GALNT17: variants seen among roughly 807,000 people sequenced by gnomAD.
GALNT17 encodes UDP-GalNAc:polypeptide N-acetylgalactosaminyltransferase-like 3.
GALNT17 carries 29 observed loss-of-function variants against 63.7 expected under a neutral mutation model. The ratio of observed to expected loss-of-function variants is 0.46; its 90% CI spans 0.34 to 0.62. The LOEUF (loss-of-function observed/expected upper bound fraction) is 0.62, where lower values mean the gene tolerates loss of function less well. GALNT17 is among the 20% of genes least tolerant of loss of function. The pLI is 0.01. For missense variants in GALNT17, 603 were observed against 799.6 expected, an observed-to-expected ratio of 0.75 and a Z score of 2.97; for synonymous variants, 305 against 318.3, an observed-to-expected ratio of 0.96 and a Z score of 0.45.
intron 6 of GALNT17, among the ~76,000 whole-genome samples, chr7:71,576,112 G>A (rs1259080281): frequency 6.6e-6 from 1 of 152,158 alleles, no homozygotes; most frequent in East Asian, 1.9e-4. Flanking sequence ...TAATATATCA[G>A]TCCATTTACG....
intron 8 of GALNT17, among the ~76,000 whole-genome samples, chr7:71,675,909 A>G (rs1241026683): frequency 6.6e-6 from 1 of 152,066 alleles, no homozygotes; most frequent in African/African-American, 2.4e-5. Flanking sequence ...TATCGCTTGA[A>G]CCCAGGAGGT....
chr7:71,670,907 T>C (rs1487378228), intron 8 of GALNT17, among the ~76,000 whole-genome samples: 1 of 137,810 alleles, frequency 7.3e-6, no homozygotes, highest in African/African-American at 2.7e-5. Context: ...TGTGTGCGTG[T>C]GTGTGTGTGC....
chr7:71,183,721 A>C lies in GALNT17; in HGVS notation c.238+50681A>C, dbSNP rs184111989. ...AGACCAGCCTGGGCAACATGGTGAAACCCCCACTGTACGAAAAATAACAAA... is the reference window on the plus strand; with the variant it reads ...AGACCAGCCTGGGCAACATGGTGAACCCCCCACTGTACGAAAAATAACAAA... On this transcript the variant is annotated intron_variant, in intron 1 of 10. Coordinates refer to ENST00000333538, the MANE Select transcript of GALNT17 (RefSeq NM_022479.3). 4.3e-3 allele frequency among the ~76,000 whole-genome samples: 658 copies of C among 151,846 alleles called. 8 individuals carry two copies. Among genetic ancestry groups the C allele is most frequent in the African/African-American group, 0.015 (622 of 41,252 alleles).
rs559866492 is a variant in GALNT17 at position 71,306,644 on chromosome 7, C to A, written c.239-28906C>A. ...GGTGCAAAAATAATTGCTGTTTTTG[C>A]CATTGAAAGTAATGGCAAAAAACAG... is the stretch of plus-strand genomic sequence containing the variant. On this transcript the variant is annotated intron_variant, in intron 1 of 10. Transcript: ENST00000333538. Among the ~76,000 whole-genome samples, 4 of 152,108 alleles carry A rather than the reference C, an allele frequency of 2.6e-5. No individual in the cohort carries two copies. In the East Asian group the frequency reaches 7.7e-4, roughly 29 times the overall value.
intron 5 of GALNT17, among the ~76,000 whole-genome samples, chr7:71,560,802 T>A (rs1789243587): frequency 6.6e-6 from 1 of 152,176 alleles, no homozygotes; most frequent in Non-Finnish European, 1.5e-5. Flanking sequence ...ACAGGCTGAT[T>A]GCTCAAATTG....
chr7:71,320,953 G>A (rs753330491), intron 1 of GALNT17, among the ~76,000 whole-genome samples: 6 of 152,180 alleles, frequency 3.9e-5, no homozygotes, highest in Non-Finnish European at 8.8e-5. Context: ...GTGAAGGTTC[G>A]TGTCCCACTC....
chr7:71,586,303 C>T (rs1789716137), intron 6 of GALNT17, among the ~76,000 whole-genome samples: 1 of 152,170 alleles, frequency 6.6e-6, no homozygotes, highest in African/African-American at 2.4e-5. Flanking sequence ...CTTCTTTCAA[C>T]TAAAGGAATG....
At chr7:71,554,502 A>G (rs910197296) in intron 5 of GALNT17, among the ~76,000 whole-genome samples, 2 of 151,750 alleles carry the variant, frequency 1.3e-5, no homozygotes, top group African/African-American at 4.8e-5. Context: ...TGACTAATAC[A>G]CCTCCCCTTC....
intron 5 of GALNT17, among the ~76,000 whole-genome samples, chr7:71,548,400 T>C (rs1307524010): frequency 1.3e-5 from 2 of 152,250 alleles, no homozygotes; most frequent in Admixed American, 1.3e-4. Flanking sequence ...GGTTTGGCCT[T>C]GTGGCCATGG....
intron 6 of GALNT17, among the ~76,000 whole-genome samples, chr7:71,613,664 C>T (rs1208101217): frequency 1.3e-5 from 2 of 152,070 alleles, no homozygotes; most frequent in African/African-American, 4.8e-5. Context: ...GGCTCCAGAA[C>T]ACATAATTTC....
chr7:71,430,545 T>C (rs1441471611), intron 5 of GALNT17, among the ~76,000 whole-genome samples: 1 of 152,214 alleles, frequency 6.6e-6, no homozygotes, highest in East Asian at 1.9e-4. Flanking sequence ...CAGTGGTTCC[T>C]CCCTGCTGTA....
At chr7:71,576,105 T>C (rs1194320890) in intron 6 of GALNT17, among the ~76,000 whole-genome samples, 1 of 152,334 alleles carries the variant, frequency 6.6e-6, no homozygotes, top group Non-Finnish European at 1.5e-5. Context: ...CATTCTCTAA[T>C]ATATCAGTCC....
At chr7:71,262,637 C>T (rs1056518563) in intron 1 of GALNT17, among the ~76,000 whole-genome samples, 2 of 150,566 alleles carry the variant, frequency 1.3e-5, no homozygotes, top group African/African-American at 4.9e-5. Flanking sequence ...TAGAGTGGGC[C>T]TTAATCCAAG....
intron 3 of GALNT17, among the ~76,000 whole-genome samples, chr7:71,398,091 T>C (rs942342969): frequency 6.6e-6 from 1 of 152,184 alleles, no homozygotes; most frequent in African/African-American, 2.4e-5. Context: ...TTCACAATGA[T>C]GAGCCTTGAT....
chr7:71,441,943 A>ATG (rs561781480), intron 5 of GALNT17, among the ~76,000 whole-genome samples: 235 of 151,766 alleles, frequency 1.5e-3, no homozygotes, highest in African/African-American at 5.2e-3. Flanking sequence ...CAATAAACGT[A>ATG]TGTGTGTGTG....
chr7:71,174,338 G>A (rs1788598593), intron 1 of GALNT17, among the ~76,000 whole-genome samples: 1 of 152,160 alleles, frequency 6.6e-6, no homozygotes, highest in African/African-American at 2.4e-5. Flanking sequence ...ATTGGCACTG[G>A]GGTGTGAGAT....
chr7:71,302,620 A>G (rs1182258075), intron 1 of GALNT17, among the ~76,000 whole-genome samples: 1 of 152,090 alleles, frequency 6.6e-6, no homozygotes, highest in Non-Finnish European at 1.5e-5. Context: ...ATAGAACGTC[A>G]CTGTAATGGG....
chr7:71,444,664 T>G (rs967021454), intron 5 of GALNT17, among the ~76,000 whole-genome samples: 1 of 152,122 alleles, frequency 6.6e-6, no homozygotes, highest in South Asian at 2.1e-4. Flanking sequence ...GGTGAAACTC[T>G]GTCTTTACTA....
intron 1 of GALNT17, among the ~76,000 whole-genome samples, chr7:71,251,911 A>C (rs1351473283): frequency 6.6e-6 from 1 of 151,976 alleles, no homozygotes; most frequent in Non-Finnish European, 1.5e-5. Flanking sequence ...TTTTATGAGG[A>C]CTTGTTTGGT....
Sources: allele counts gnomAD v4.1 joint callset (sites outside exome capture counted in the v4.1 genomes callset), GRCh38; gene constraint gnomAD v4.1.1; transcripts MANE v1.5; gene names NCBI Gene and HGNC (gene_info 2026-07-23, HGNC 2026-07-21).